GRID1: variants seen among roughly 807,000 people sequenced by gnomAD.
GRID1 encodes the protein glutamate ionotropic receptor delta type subunit 1, also known as glutamate receptor ionotropic, delta-1.
GRID1 carries 28 observed loss-of-function variants against 98.0 expected under a neutral mutation model. The ratio of observed to expected loss-of-function variants is 0.29; its 90% CI spans 0.21 to 0.39. The LOEUF is 0.39. Ranked by LOEUF, GRID1 falls within the 10% of genes least tolerant of loss-of-function variation. GRID1 has a pLI of 1.00. For missense variants in GRID1, 1,111 were observed against 1,340.5 expected, an observed-to-expected ratio of 0.83 and a Z score of 2.67; for synonymous variants, 553 against 538.5, an observed-to-expected ratio of 1.03 and a Z score of -0.37.
chr10:85,856,092 G>T lies in GRID1; in HGVS notation c.1050C>A (p.Asn350Lys). 1 of 1,614,182 alleles carries T rather than the reference G, an allele frequency of 6.2e-7. No homozygotes were observed. The highest frequency in any genetic ancestry group is 8.5e-7 in the Non-Finnish European group (1 of 1,180,004). Residue 350 changes from asparagine to lysine, a missense_variant, in exon 7 of 16, where the codon AAC (asparagine) becomes AAA (lysine). Physicochemically the swap from Asn to Lys is moderately conservative, Grantham distance 94. This residue lies in a region of GRID1 where 762 missense variants were observed against 869.1 expected (regional missense o/e 0.88). Transcript: ENST00000327946. ...DRKWHSMASLNCIRKSTKPWN... is the reference protein window; with the variant it reads ...DRKWHSMASLKCIRKSTKPWN... ...ATGGCTTAGTGGATTTCCGTATGCA[G>T]TTGAGGCTCGCCATGCTATGCCACT...
chr10:85,669,966 C>A (rs772055807), intron 12 of GRID1, among the ~76,000 whole-genome samples: 7 of 152,146 alleles, frequency 4.6e-5, no homozygotes, highest in African/African-American at 1.7e-4. Context: ...CACTGACACA[C>A]CTGCATCATA....
At chr10:85,662,260 A>G (rs1840973632) in intron 12 of GRID1, among the ~76,000 whole-genome samples, 1 of 152,218 alleles carries the variant, frequency 6.6e-6, no homozygotes, top group African/African-American at 2.4e-5. Context: ...AGTCAGGTCA[A>G]CAAACAGGGA....
chr10:85,969,100 A>G (rs1240843663), intron 4 of GRID1, among the ~76,000 whole-genome samples: 3 of 152,204 alleles, frequency 2.0e-5, no homozygotes, highest in African/African-American at 7.2e-5. Context: ...CACAAAAGGA[A>G]CATTTTATAA....
chr10:85,926,674 A>G (rs529813218), intron 4 of GRID1, among the ~76,000 whole-genome samples: 61 of 152,290 alleles, frequency 4.0e-4, no homozygotes, highest in African/African-American at 1.5e-3. Flanking sequence ...GCACCTGAAA[A>G]GGCCCCACCC....
chr10:85,642,935 T>G lies in GRID1; in HGVS notation c.2193+4267A>C, dbSNP rs141737266. Among the ~76,000 whole-genome samples, 2 of 152,086 alleles carry G rather than the reference T, an allele frequency of 1.3e-5. 1 individual carries two copies. The highest frequency in any genetic ancestry group is 4.2e-4 in the South Asian group (2 of 4,818). ...ATTACCCTCCAGAGGCTCAATGATGTGTATTGGCATGAAGGAGTGGATCTC... is the reference window on the plus strand; with the variant it reads ...ATTACCCTCCAGAGGCTCAATGATGGGTATTGGCATGAAGGAGTGGATCTC... On this transcript the variant is annotated intron_variant, in intron 13 of 15. Transcript: ENST00000327946.
intron 4 of GRID1, among the ~76,000 whole-genome samples, chr10:85,989,520 G>A (rs75243065): frequency 0.018 from 2,693 of 152,260 alleles, 90 homozygotes; most frequent in African/African-American, 0.062. Context: ...CCTGAGCTCC[G>A]CCCCCTGTTC....
intron 8 of GRID1, among the ~76,000 whole-genome samples, chr10:85,778,011 G>T (rs910840017): frequency 2.0e-5 from 3 of 151,950 alleles, no homozygotes; most frequent in African/African-American, 7.3e-5. Flanking sequence ...TGGGCATCTT[G>T]GTGTCAGGTT....
intron 6 of GRID1, among the ~76,000 whole-genome samples, chr10:85,864,562 T>C (rs555873346): frequency 5.3e-5 from 8 of 152,304 alleles, no homozygotes; most frequent in African/African-American, 1.9e-4. Context: ...TTTTTAGGGC[T>C]AAGTAAACCA....
chr10:85,761,424 C>T (rs961558232), intron 8 of GRID1, among the ~76,000 whole-genome samples: 2 of 152,178 alleles, frequency 1.3e-5, no homozygotes, highest in African/African-American at 4.8e-5. Flanking sequence ...TTACTGAGCC[C>T]TTTCTATGCA....
intron 12 of GRID1, among the ~76,000 whole-genome samples, chr10:85,681,090 C>A (rs1841203717): frequency 6.6e-6 from 1 of 152,148 alleles, no homozygotes; most frequent in Non-Finnish European, 1.5e-5. Context: ...CGCAATATAT[C>A]CATGCATCAA....
At position 85,619,908 on chromosome 10, in the gene GRID1, G is replaced by A. The variant is rs768358729; in HGVS notation, c.2319C>T (p.Ala773=). ...NSISSKGYGI[A]LQHGSPYRDL... Reference sequence around the variant, plus strand: ...CCCTGTAGGGGCTGCCATGCTGCAGGGCAATCCCGTAACCCTTGCTGCTGA... The same window carrying A: ...CCCTGTAGGGGCTGCCATGCTGCAGAGCAATCCCGTAACCCTTGCTGCTGA... Residue 773 remains alanine, a synonymous_variant, in exon 14 of 16, where the codon GCC becomes GCT. Transcript: ENST00000327946. 3 of 1,614,024 alleles carry A rather than the reference G, an allele frequency of 1.9e-6. No homozygotes were observed. The Admixed American group carries it at 5.0e-5, about 27-fold the overall frequency.
chr10:85,910,248 T>G (rs1028622907), intron 5 of GRID1, among the ~76,000 whole-genome samples: 4 of 152,192 alleles, frequency 2.6e-5, no homozygotes, highest in Non-Finnish European at 5.9e-5. Context: ...AAGAAAAAAA[T>G]CTTTTCCTTC....
At chr10:85,602,770 T>C (rs1050202506) in intron 15 of GRID1, 69 bp from the exon 16 acceptor site, 2 of 1,187,978 alleles carry the variant, frequency 1.7e-6, no homozygotes, top group Admixed American at 4.3e-5. Context: ...GCTACAGCTC[T>C]GGATGTCTGT....
At chr10:85,698,119 G>GA (rs1419241884) in intron 12 of GRID1, among the ~76,000 whole-genome samples, 5 of 151,984 alleles carry the variant, frequency 3.3e-5, no homozygotes, top group African/African-American at 9.7e-5. Context: ...AGGTACCACC[G>GA]AAAATATCAA....
chr10:86,020,019 AC>A (rs1843029264), intron 4 of GRID1, among the ~76,000 whole-genome samples: 1 of 152,200 alleles, frequency 6.6e-6, no homozygotes, highest in Non-Finnish European at 1.5e-5. Context: ...CATGGGGAAA[AC>A]CATGACAGAC....
At chr10:86,322,201 C>T (rs1035990434) in intron 2 of GRID1, among the ~76,000 whole-genome samples, 1 of 151,982 alleles carries the variant, frequency 6.6e-6, no homozygotes, top group African/African-American at 2.4e-5. Context: ...AGGAACTCTC[C>T]CAGATGGCAC....
rs1013304962 is a variant in GRID1, at chr10:85,904,190, A to C, written c.780+11996T>G. The stretch of plus-strand genomic sequence containing the variant: ...GCCTATAATTAACCAAGATGGAGTA[A>C]CAGGGATTGGATTTACCCTCTGACC... On this transcript the variant is annotated intron_variant, in intron 5 of 15. Transcript: ENST00000327946. 5.9e-5 allele frequency among the ~76,000 whole-genome samples: 9 copies of C among 152,242 alleles called. No individual in the cohort carries two copies. In the South Asian group the frequency reaches 1.4e-3, roughly 24 times the overall value.
At chr10:86,058,254 T>C (rs918344266) in intron 4 of GRID1, among the ~76,000 whole-genome samples, 2 of 151,996 alleles carry the variant, frequency 1.3e-5, no homozygotes, top group Non-Finnish European at 2.9e-5. Context: ...ACAGGTCAGG[T>C]AGAAGCAAGG....
intron 5 of GRID1, among the ~76,000 whole-genome samples, chr10:85,884,265 A>C (rs1245080296): frequency 6.6e-6 from 1 of 152,034 alleles, no homozygotes; most frequent in East Asian, 1.9e-4. Flanking sequence ...CATACTACTA[A>C]ACCTTTTGTA....
Sources: gnomAD v4.1 joint callset for allele counts (sites outside exome capture counted in the v4.1 genomes callset) on GRCh38, gnomAD v4.1.1 for gene constraint, gnomAD v4.1.1 regional missense constraint, MANE v1.5 for transcripts, NCBI Gene and HGNC (gene_info 2026-07-23, HGNC 2026-07-21) for gene names.